STAU1: variants seen among roughly 807,000 people sequenced by gnomAD.
STAU1 encodes staufen double-stranded RNA binding protein 1, also known as double-stranded RNA-binding protein Staufen homolog 1.
STAU1 carries 13 observed loss-of-function variants against 62.9 expected under a neutral mutation model. The observed-to-expected ratio is 0.21, with a 90% CI of 0.13 to 0.33. The LOEUF is 0.33. STAU1 is among the 10% of genes least tolerant of loss of function. The probability of loss-of-function intolerance (pLI) is 1.00; values close to 1 mark genes in which losing one functional copy is unlikely to be tolerated. For synonymous variants in STAU1, 269 were observed against 265.1 expected (o/e 1.01, Z -0.14); for missense variants, 571 against 712.1 (o/e 0.80, Z 2.25).
chr20:49,185,663 C>A (rs1437025976), intron 1 of STAU1, among the ~76,000 whole-genome samples: 1 of 152,028 alleles, frequency 6.6e-6, no homozygotes, highest in African/African-American at 2.4e-5. Flanking sequence ...GAAACAAAAC[C>A]GACCTTGGCT....
intron 5 of STAU1, among the ~76,000 whole-genome samples, chr20:49,141,343 C>T (rs987257560): frequency 4.6e-5 from 7 of 152,182 alleles, no homozygotes; most frequent in South Asian, 2.1e-4. Context: ...AGTCCCAACA[C>T]TTCTGGAGGC....
At chr20:49,134,243 C>G (rs964525650) in intron 6 of STAU1, among the ~76,000 whole-genome samples, 2 of 151,854 alleles carry the variant, frequency 1.3e-5, no homozygotes, top group Non-Finnish European at 2.9e-5. Context: ...ACCAGCCTGA[C>G]CAATATGGAG....
At chr20:49,204,578 TG>T in the STAU1 span, among the ~76,000 whole-genome samples, 1 of 134,810 alleles carries the variant, frequency 7.4e-6, no homozygotes, top group Admixed American at 7.9e-5. Flanking sequence ...CTTATGCAAT[TG>T]GTGGATTTTA....
At chr20:49,191,533 G>A (rs2038509), upstream of STAU1, among the ~76,000 whole-genome samples, 50,302 of 151,894 alleles carry the variant, frequency 0.33, 9,339 homozygotes, top group Middle Eastern at 0.46. Flanking sequence ...TCCGTAGACT[G>A]CTGAAAAATT....
the STAU1 span, among the ~76,000 whole-genome samples, chr20:49,210,291 CT>C: frequency 8.3e-3 from 1,258 of 152,256 alleles, 22 homozygotes; most frequent in African/African-American, 0.028. Context: ...CACTACATAT[CT>C]GGAAATGTCT....
chr20:49,194,421 C>T, the STAU1 span, among the ~76,000 whole-genome samples: 2 of 114,040 alleles, frequency 1.8e-5, no homozygotes, highest in Non-Finnish European at 3.5e-5. Context: ...AAGAGCGAAA[C>T]TCCGTCTCAA....
intron 3 of STAU1, among the ~76,000 whole-genome samples, chr20:49,154,826 T>C (rs1381470106): frequency 6.6e-6 from 1 of 151,326 alleles, no homozygotes; most frequent in Admixed American, 6.6e-5. Flanking sequence ...GGCTCACACC[T>C]GTAATCCCAG....
intron 5 of STAU1, among the ~76,000 whole-genome samples, chr20:49,137,425 T>C (rs1243994392): frequency 6.6e-6 from 1 of 152,190 alleles, no homozygotes; most frequent in African/African-American, 2.4e-5. Context: ...GCTGTAGTGA[T>C]AATAAGAGGA....
chr20:49,178,383 G>A (rs1007905586), intron 1 of STAU1, among the ~76,000 whole-genome samples: 3 of 152,164 alleles, frequency 2.0e-5, no homozygotes, highest in African/African-American at 7.2e-5. Context: ...GGAGGCCAAG[G>A]TGGGCCAATC....
chr20:49,116,612 T>TAC (rs144583408), intron 12 of STAU1, among the ~76,000 whole-genome samples: 1,795 of 152,226 alleles, frequency 0.012, 39 homozygotes, highest in African/African-American at 0.04. Context: ...GTGCTGGGAT[T>TAC]AGTGTGAGCC....
At chr20:49,116,602 G>A (rs973750181) in intron 12 of STAU1, among the ~76,000 whole-genome samples, 1 of 151,960 alleles carries the variant, frequency 6.6e-6, no homozygotes, top group Non-Finnish European at 1.5e-5. Flanking sequence ...GCCTCCCGCA[G>A]TGCTGGGATT....
the STAU1 span, among the ~76,000 whole-genome samples, chr20:49,213,859 G>T: frequency 6.6e-6 from 1 of 152,192 alleles, no homozygotes; most frequent in Non-Finnish European, 1.5e-5. Context: ...AAAGATCAAG[G>T]CTTGCCCATG....
At chr20:49,132,478 G>T (rs2092772194) in intron 6 of STAU1, among the ~76,000 whole-genome samples, 1 of 152,164 alleles carries the variant, frequency 6.6e-6, no homozygotes, top group South Asian at 2.1e-4. Flanking sequence ...AGTCAAACTG[G>T]CTGGGCACGG....
chr20:49,127,293 G>T (rs1456249857), intron 6 of STAU1, among the ~76,000 whole-genome samples: 1 of 152,198 alleles, frequency 6.6e-6, no homozygotes, highest in Non-Finnish European at 1.5e-5. Flanking sequence ...GACGGAGGTT[G>T]CAGTGAGCTG....
In STAU1 at chr20:49,123,154, CCTT is replaced by C; in HGVS notation, c.901_903del (p.Lys301del). On this transcript the variant is annotated inframe_deletion, in exon 8 of 14. Coordinates refer to ENST00000371856, the MANE Select transcript of STAU1 (RefSeq NM_017453.4). ...TCTGTGAGGAGCGTGTACTCTGGCT[CCTT>C]CTCCTTTTTTGCCTGCTGGATCTGG... 1 of 1,614,130 alleles carries C rather than the reference CCTT, an allele frequency of 6.2e-7. No homozygotes were observed. The highest frequency in any genetic ancestry group is 8.5e-7 in the Non-Finnish European group (1 of 1,180,002).
At chr20:49,186,362 A>T (rs2093787413) in intron 1 of STAU1, among the ~76,000 whole-genome samples, 1 of 152,040 alleles carries the variant, frequency 6.6e-6, no homozygotes, top group Non-Finnish European at 1.5e-5. Context: ...AAAAAAATTC[A>T]AACAAACATT....
chr20:49,132,713 C>T (rs747001561), intron 6 of STAU1, among the ~76,000 whole-genome samples: 1 of 152,046 alleles, frequency 6.6e-6, no homozygotes, highest in Non-Finnish European at 1.5e-5. Context: ...AAGCTGAGAT[C>T]GTGCCATTGT....
chr20:49,129,520 A>G (rs1241893210), intron 6 of STAU1, among the ~76,000 whole-genome samples: 1 of 151,520 alleles, frequency 6.6e-6, no homozygotes, highest in Non-Finnish European at 1.5e-5. Context: ...TAAAATTTTA[A>G]AAGCTGACAA....
intron 5 of STAU1, 50 bp from the exon 6 acceptor site, chr20:49,135,981 C>A: frequency 7.0e-7 from 1 of 1,431,598 alleles, no homozygotes; most frequent in Non-Finnish European, 9.7e-7. Flanking sequence ...TAGTCAATGG[C>A]CAGGTGAGTT....
Sources: allele counts gnomAD v4.1 joint callset (sites outside exome capture counted in the v4.1 genomes callset), GRCh38; gene constraint gnomAD v4.1.1; transcripts MANE v1.5; gene names NCBI Gene and HGNC (gene_info 2026-07-23, HGNC 2026-07-21).